The following WNK1 variants were observed in gnomAD, a reference collection of about 807,000 sequenced individuals.
WNK1 encodes serine/threonine-protein kinase WNK1.
In WNK1, 38 loss-of-function variants were observed where a neutral mutation model predicts 222.8. The observed-to-expected ratio is 0.17, with a 90% CI of 0.13 to 0.22. WNK1 has a LOEUF of 0.22. WNK1 is among the 10% of genes least tolerant of loss of function. WNK1 has a pLI of 1.00. For synonymous variants in WNK1, 1,090 were observed against 1,092.9 expected, an observed-to-expected ratio of 1.00 and a Z score of 0.05; for missense variants, 2,348 against 2,918.4, an observed-to-expected ratio of 0.80 and a Z score of 4.50.
chr12:773,988 G>A (rs1262480346), intron 1 of WNK1, among the ~76,000 whole-genome samples: 1 of 152,088 alleles, frequency 6.6e-6, no homozygotes, highest in Admixed American at 6.6e-5. Context: ...AATTTAATCT[G>A]TGTTGTATCC....
chr12:819,289 G>T (rs1401836885), intron 2 of WNK1, among the ~76,000 whole-genome samples: 2 of 152,074 alleles, frequency 1.3e-5, no homozygotes, highest in South Asian at 4.1e-4. Context: ...CCTATAGGTT[G>T]CCTTTTTTGC....
intron 8 of WNK1, among the ~76,000 whole-genome samples, chr12:863,258 T>TA: frequency 6.6e-6 from 1 of 152,324 alleles, no homozygotes; most frequent in Middle Eastern, 3.4e-3. Flanking sequence ...TTCGATTTTT[T>TA]ATCCTACAGC....
intron 19 of WNK1, among the ~76,000 whole-genome samples, chr12:886,563 A>C (rs1176081622): frequency 6.7e-6 from 1 of 150,152 alleles, no homozygotes; most frequent in Non-Finnish European, 1.5e-5. Context: ...AGAAATAAAT[A>C]ATCTAATCCT....
At chr12:826,462 A>G (rs1948369859) in intron 2 of WNK1, among the ~76,000 whole-genome samples, 1 of 152,162 alleles carries the variant, frequency 6.6e-6, no homozygotes, top group African/African-American at 2.4e-5. Context: ...ATGTATTATA[A>G]AGAAGGAAAC....
At chr12:776,396 G>GT (rs1565412579) in intron 1 of WNK1, among the ~76,000 whole-genome samples, 1 of 113,932 alleles carries the variant, frequency 8.8e-6, no homozygotes, top group Non-Finnish European at 1.8e-5. Context: ...TCAGATCTCT[G>GT]TGTGTGTTTG....
chr12:855,020 G>C (rs1465952849), intron 4 of WNK1, among the ~76,000 whole-genome samples: 30 of 152,184 alleles, frequency 2.0e-4, no homozygotes, highest in Admixed American at 2.0e-3. Context: ...TGGAAACCAT[G>C]AATAAGGAGG....
chr12:840,772 G>A (rs1397664986), intron 4 of WNK1, among the ~76,000 whole-genome samples: 1 of 152,206 alleles, frequency 6.6e-6, no homozygotes, highest in Admixed American at 6.5e-5. Context: ...GAAAGTAGTG[G>A]TGATGTTCTT....
intron 1 of WNK1, among the ~76,000 whole-genome samples, chr12:802,336 C>T (rs141535710): frequency 9.3e-4 from 142 of 152,190 alleles, no homozygotes; most frequent in African/African-American, 3.2e-3. Flanking sequence ...ATGACAGAAA[C>T]TTGAGAAACA....
chr12:911,350 G>A lies in WNK1; in HGVS notation c.*2558G>A, dbSNP rs1956071575. The A allele has an allele frequency of 7.5e-6, 3 of 398,246 alleles. No individual in the cohort carries two copies. In the East Asian group the frequency reaches 1.1e-4, roughly 14 times the overall value. 24.7% of individuals were successfully genotyped at this position (398,246 alleles called of 1,614,324 possible). ...TAATTGTACATTTTGCACTAACTCT[G>A]GGTGTTGCGCTTCTTGTAAGATTGC... On this transcript the variant is annotated 3_prime_UTR_variant, in exon 28 of 28. Transcript: ENST00000315939.
chr12:863,773 AATTCT>A (rs1393736053), intron 8 of WNK1, among the ~76,000 whole-genome samples: 3 of 152,210 alleles, frequency 2.0e-5, no homozygotes, highest in Admixed American at 6.5e-5. Flanking sequence ...AAATTTGTCT[AATTCT>A]ATTCTTGTCT....
At chr12:869,175 C>T (rs745548093) in intron 8 of WNK1, 2 of 1,559,010 alleles carry the variant, frequency 1.3e-6, no homozygotes, top group Non-Finnish European at 1.8e-6. Flanking sequence ...TTTTCTATTC[C>T]TTATTTCCCT....
intron 1 of WNK1, among the ~76,000 whole-genome samples, chr12:763,439 A>AG (rs948611816): frequency 2.0e-5 from 3 of 146,462 alleles, no homozygotes; most frequent in African/African-American, 7.3e-5. Flanking sequence ...CAAAAAAAAA[A>AG]CTAGCCGGGT....
chr12:892,035 C>CT lies in WNK1; in HGVS notation c.5509+1536dup, dbSNP rs34947524. Among the ~76,000 whole-genome samples, 1,003 of 135,916 alleles carry CT rather than the reference C, an allele frequency of 7.4e-3. 13 individuals carry two copies. Among genetic ancestry groups the CT allele is most frequent in the African/African-American group, 0.024 (891 of 36,760 alleles). The allele number at this position is 135,916 out of a possible 152,430, so 89.2% of individuals were successfully genotyped here. On this transcript the variant is annotated intron_variant, in intron 22 of 27. Coordinates refer to ENST00000315939, the MANE Select transcript of WNK1 (RefSeq NM_018979.4). Reference sequence around the variant, plus strand: ...ATTTCAGATCCCACATTATAACTAACTTTTTTTTTTTTTTGTGGCTTGGAA... The same window carrying CT: ...ATTTCAGATCCCACATTATAACTAACTTTTTTTTTTTTTTTGTGGCTTGGAA...
chr12:755,326 G>A (rs1422206734), intron 1 of WNK1, among the ~76,000 whole-genome samples: 2 of 152,170 alleles, frequency 1.3e-5, no homozygotes, highest in Non-Finnish European at 2.9e-5. Context: ...ATCTTGCCAA[G>A]AATATAGACC....
intron 1 of WNK1, among the ~76,000 whole-genome samples, chr12:810,075 C>A (rs1413052532): frequency 6.6e-6 from 1 of 152,054 alleles, no homozygotes; most frequent in African/African-American, 2.4e-5. Flanking sequence ...CATGGCGAAA[C>A]CCTGTCTCTA....
chr12:843,617 C>T (rs979883397), intron 4 of WNK1, among the ~76,000 whole-genome samples: 2 of 152,124 alleles, frequency 1.3e-5, no homozygotes, highest in African/African-American at 4.8e-5. Context: ...TGGCCTCATG[C>T]AGATATGTAG....
rs1404867442 is a variant in WNK1, at chr12:898,300, C to T, written c.6448+619C>T. Among the ~76,000 whole-genome samples the T allele has an allele frequency of 3.9e-5, 6 of 151,928 alleles. No individual in the cohort carries two copies. In the South Asian group the frequency reaches 8.3e-4, roughly 21 times the overall value. ...GAGATCAAGACCATCCTGACTAACACGGTGAAACCCTGTCTCTACTAAAAA... is the reference window on the plus strand; with the variant it reads ...GAGATCAAGACCATCCTGACTAACATGGTGAAACCCTGTCTCTACTAAAAA... On this transcript the variant is annotated intron_variant, in intron 25 of 27. Transcript: ENST00000315939.
At chr12:763,032 C>T (rs1390012259) in intron 1 of WNK1, among the ~76,000 whole-genome samples, 1 of 146,848 alleles carries the variant, frequency 6.8e-6, no homozygotes, top group East Asian at 2.0e-4. Context: ...AGGTGTGAGC[C>T]ACCACTCCTG....
At chr12:896,861 A>T (rs979791595) in intron 24 of WNK1, 129 bp downstream of exon 24, 8 of 980,044 alleles carry the variant, frequency 8.2e-6, no homozygotes, top group Non-Finnish European at 1.1e-5. Context: ...ACAGTGCCAC[A>T]GAAGCCCCAC....
Sources: gnomAD v4.1 joint callset for allele counts (sites outside exome capture counted in the v4.1 genomes callset) on GRCh38, gnomAD v4.1.1 for gene constraint, MANE v1.5 for transcripts, NCBI Gene and HGNC (gene_info 2026-07-23, HGNC 2026-07-21) for gene names.